The following ESRRB variants were observed in gnomAD, a reference collection of about 807,000 sequenced individuals.
ESRRB encodes the protein estrogen related receptor beta.
ESRRB carries 16 observed loss-of-function variants against 46.0 expected under a neutral mutation model. That is an observed-to-expected ratio of 0.35 (90% CI 0.24 to 0.53). The LOEUF (loss-of-function observed/expected upper bound fraction) is 0.53, where lower values mean the gene tolerates loss of function less well. Among genes scored for constraint, ESRRB ranks in the 20% least tolerant of loss-of-function variants. The pLI is 0.93. For synonymous variants in ESRRB, 246 were observed against 259.6 expected, an observed-to-expected ratio of 0.95 and a Z score of 0.50; for missense variants, 488 against 607.4, an observed-to-expected ratio of 0.80 and a Z score of 2.07.
chr14:76,343,032 T>C (rs1400987880), intron 1 of ESRRB, among the ~76,000 whole-genome samples: 1 of 152,198 alleles, frequency 6.6e-6, no homozygotes, highest in Non-Finnish European at 1.5e-5. Context: ...GAAGATCCCC[T>C]AGACAGGGCA....
Position 76,478,631 on chromosome 14 carries a change from G to A in ESRRB, c.578-3385G>A, listed in dbSNP as rs1172064688. ...CATATAGTAGGTGCTCAGTAAGTGGGGGCCCTTACTGTCTCTTATGGATGA... is the reference window on the plus strand; with the variant it reads ...CATATAGTAGGTGCTCAGTAAGTGGAGGCCCTTACTGTCTCTTATGGATGA... On this transcript the variant is annotated intron_variant, in intron 3 of 6. Transcript: ENST00000644823. Among the ~76,000 whole-genome samples the A allele has an allele frequency of 2.6e-5, 4 of 152,066 alleles. No homozygotes were observed. The East Asian group carries it at 5.8e-4, about 22-fold the overall frequency.
In ESRRB at chr14:76,491,041, C is replaced by G. The variant is rs543219433; in HGVS notation, c.851-406C>G. Among the ~76,000 whole-genome samples the G allele has an allele frequency of 4.9e-3, 750 of 152,306 alleles. 8 individuals are homozygous for G. Among genetic ancestry groups the G allele is most frequent in the African/African-American group, 0.017 (715 of 41,574 alleles). ...CCCTGGTTTGAGCAGAGAGTGGGCC[C>G]TGGAAACTCCCCAGAGTGGCCGAGA... On this transcript the variant is annotated intron_variant, in intron 5 of 6. Coordinates refer to ENST00000644823, the MANE Select transcript of ESRRB (RefSeq NM_001379180.1).
intron 1 of ESRRB, among the ~76,000 whole-genome samples, chr14:76,343,839 G>C (rs1884219315): frequency 6.6e-6 from 1 of 152,228 alleles, no homozygotes; most frequent in Admixed American, 6.5e-5. Context: ...TAATTTGTAG[G>C]AGGAGGAGTA....
intron 1 of ESRRB, among the ~76,000 whole-genome samples, chr14:76,332,884 T>TTATATACTTATATATTA (rs1884052758): frequency 4.9e-5 from 1 of 20,226 alleles, no homozygotes; most frequent in African/African-American, 1.4e-4. Flanking sequence ...TTTTTATATA[T>TTATATACTTATATATTA]TATATATTTA....
At chr14:76,429,698 C>T (rs1004493248) in intron 1 of ESRRB, among the ~76,000 whole-genome samples, 1 of 151,808 alleles carries the variant, frequency 6.6e-6, no homozygotes, top group African/African-American at 2.4e-5. Context: ...TGTGGTGAGC[C>T]GAGATAGTGC....
intron 1 of ESRRB, among the ~76,000 whole-genome samples, chr14:76,313,375 A>C (rs1167649112): frequency 6.6e-6 from 1 of 151,782 alleles, no homozygotes; most frequent in Non-Finnish European, 1.5e-5. Context: ...CTGTGACTTC[A>C]TGTCTGCAAA....
chr14:76,322,915 C>T (rs980371714), intron 1 of ESRRB, among the ~76,000 whole-genome samples: 2 of 152,172 alleles, frequency 1.3e-5, no homozygotes, highest in East Asian at 1.9e-4. Flanking sequence ...GTCCAGCATG[C>T]GCTCACTGTT....
chr14:76,390,645 G>A (rs1039758498), intron 1 of ESRRB, among the ~76,000 whole-genome samples: 17 of 152,172 alleles, frequency 1.1e-4, no homozygotes, highest in African/African-American at 2.4e-4. Flanking sequence ...AACAGATGAC[G>A]TGCCAGGTAG....
intron 1 of ESRRB, among the ~76,000 whole-genome samples, chr14:76,411,832 A>G (rs1886456705): frequency 6.6e-6 from 1 of 152,138 alleles, no homozygotes; most frequent in Non-Finnish European, 1.5e-5. Flanking sequence ...GCTCTGTGCA[A>G]TTTGCCTCAA....
At chr14:76,369,884 C>T (rs1434727969), upstream of ESRRB, among the ~76,000 whole-genome samples, 1 of 152,106 alleles carries the variant, frequency 6.6e-6, no homozygotes, top group African/African-American at 2.4e-5. Flanking sequence ...TGTGGTTTCT[C>T]TAAAATAGTT....
intron 1 of ESRRB, among the ~76,000 whole-genome samples, chr14:76,365,371 C>T (rs1338203939): frequency 6.6e-6 from 1 of 152,100 alleles, no homozygotes; most frequent in Non-Finnish European, 1.5e-5. Flanking sequence ...CCCAGCTACA[C>T]GGGAGGCTGA....
chr14:76,485,643 GAGAGAGAGAGAGAGAGAAAGAA>G (rs1221277056), intron 5 of ESRRB, among the ~76,000 whole-genome samples: 1 of 151,408 alleles, frequency 6.6e-6, no homozygotes, highest in Non-Finnish European at 1.5e-5. Flanking sequence ...GAGAGAGAGA[GAGAGAGAGAGAGAGAGAAAGAA>G]AGAGAGAGAG....
upstream of ESRRB, among the ~76,000 whole-genome samples, chr14:76,369,086 A>G (rs1250874222): frequency 6.6e-6 from 1 of 151,308 alleles, no homozygotes; most frequent in Non-Finnish European, 1.5e-5. Flanking sequence ...AATCCCAGCT[A>G]CTCAGGAGGC....
At chr14:76,341,641 T>A (rs1595049851) in intron 1 of ESRRB, among the ~76,000 whole-genome samples, 1 of 152,326 alleles carries the variant, frequency 6.6e-6, no homozygotes, top group South Asian at 2.1e-4. Context: ...TGATGATCAT[T>A]AAATTGATCA....
At chr14:76,413,331 G>A (rs952334992) in intron 1 of ESRRB, among the ~76,000 whole-genome samples, 5 of 152,132 alleles carry the variant, frequency 3.3e-5, no homozygotes, top group African/African-American at 9.7e-5. Context: ...CCTGTGCCCC[G>A]GCCCCGGCCA....
At chr14:76,458,115 G>T (rs1377352364) in intron 2 of ESRRB, among the ~76,000 whole-genome samples, 1 of 152,094 alleles carries the variant, frequency 6.6e-6, no homozygotes, top group Non-Finnish European at 1.5e-5. Flanking sequence ...TACACTCCCA[G>T]GTTAGAACCT....
At chr14:76,486,394 T>C (rs1033378476) in intron 5 of ESRRB, among the ~76,000 whole-genome samples, 2 of 152,206 alleles carry the variant, frequency 1.3e-5, no homozygotes, top group African/African-American at 4.8e-5. Context: ...AGCCCCCATC[T>C]GACTCAATGA....
intron 3 of ESRRB, among the ~76,000 whole-genome samples, chr14:76,478,696 G>GTT (rs1237802438): frequency 6.6e-6 from 1 of 152,132 alleles, no homozygotes; most frequent in Non-Finnish European, 1.5e-5. Flanking sequence ...ACCATTCCAA[G>GTT]GGGAAGCAGA....
At position 76,499,398 on chromosome 14, in the gene ESRRB, G is replaced by C. The variant is rs1481783110; in HGVS notation, c.*940G>C. Reference sequence around the variant, plus strand: ...CTGGCTCCATCCAAGAGCACCCCGGGGGGAGGATCAGGACAGGATGGACAG... The same window carrying C: ...CTGGCTCCATCCAAGAGCACCCCGGCGGGAGGATCAGGACAGGATGGACAG... On this transcript the variant is annotated 3_prime_UTR_variant, in exon 7 of 7. Coordinates refer to ENST00000644823, the MANE Select transcript of ESRRB (RefSeq NM_001379180.1). 2 of 264,966 alleles carry C rather than the reference G, an allele frequency of 7.5e-6. No homozygotes were observed. Among genetic ancestry groups the C allele is most frequent in the African/African-American group, 4.4e-5 (2 of 45,552 alleles). 16.4% of individuals were successfully genotyped at this position (264,966 alleles called of 1,614,324 possible). A position where few individuals can be genotyped will look rare whatever the true frequency, so the allele number is the denominator to read the frequency against.
Sources: allele counts gnomAD v4.1 joint callset (sites outside exome capture counted in the v4.1 genomes callset), GRCh38; gene constraint gnomAD v4.1.1; transcripts MANE v1.5; gene names NCBI Gene and HGNC (gene_info 2026-07-23, HGNC 2026-07-21).